NAALADL2: variants seen among roughly 807,000 people sequenced by gnomAD.
NAALADL2 encodes the protein N-acetylated alpha-linked acidic dipeptidase like 2.
A neutral mutation model predicts 87.2 loss-of-function variants in NAALADL2; 76 were observed. The ratio of observed to expected loss-of-function variants is 0.87; its 90% CI spans 0.72 to 1.05. The LOEUF is 1.05. Ranked by LOEUF, NAALADL2 falls within the 50% of genes least tolerant of loss-of-function variation. The probability of loss-of-function intolerance (pLI) is 0.00; values close to 1 mark genes in which losing one functional copy is unlikely to be tolerated. For missense variants in NAALADL2, 1,089 were observed against 945.8 expected (o/e 1.15, Z -1.99); for synonymous variants, 354 against 331.0 (o/e 1.07, Z -0.75).
intron 3 of NAALADL2, among the ~76,000 whole-genome samples, chr3:174,801,125 CAT>C (rs1718780351): frequency 6.6e-6 from 1 of 152,170 alleles, no homozygotes; most frequent in Non-Finnish European, 1.5e-5. Flanking sequence ...GTAGGAAAGA[CAT>C]GATTGGTTTT....
chr3:174,782,337 G>A (rs1417988564), intron 3 of NAALADL2, among the ~76,000 whole-genome samples: 2 of 152,086 alleles, frequency 1.3e-5, no homozygotes, highest in African/African-American at 2.4e-5. Context: ...TAATTCTGTT[G>A]ATTTTCAGTG....
chr3:175,243,532 T>C (rs1401928934), intron 3 of NAALADL2, among the ~76,000 whole-genome samples: 1 of 9,262 alleles, frequency 1.1e-4, no homozygotes, highest in Admixed American at 1.6e-3. Context: ...ACATCAGGAC[T>C]TTTTTTTTTT....
intron 2 of NAALADL2, chr3:174,631,953 C>T (rs1261745246): frequency 2.0e-5 from 3 of 152,190 alleles, no homozygotes; most frequent in Non-Finnish European, 4.4e-5. Context: ...CATGCTCATT[C>T]AAAGTGAATG....
At chr3:174,524,021 T>C (rs978519130) in intron 1 of NAALADL2, among the ~76,000 whole-genome samples, 5 of 152,172 alleles carry the variant, frequency 3.3e-5, no homozygotes, top group African/African-American at 1.2e-4. Flanking sequence ...TTTTTTTTGC[T>C]TGTATCTATG....
At chr3:175,711,383 T>A (rs1190804738) in intron 11 of NAALADL2, among the ~76,000 whole-genome samples, 1 of 151,896 alleles carries the variant, frequency 6.6e-6, no homozygotes, top group African/African-American at 2.4e-5. Flanking sequence ...AAGAATCAAT[T>A]TTTTTAAAAT....
chr3:174,831,747 T>A (rs1407658823), intron 3 of NAALADL2, among the ~76,000 whole-genome samples: 1 of 151,400 alleles, frequency 6.6e-6, no homozygotes, highest in Non-Finnish European at 1.5e-5. Context: ...CTGTACTCTT[T>A]TTGGTTGGTA....
intron 3 of NAALADL2, among the ~76,000 whole-genome samples, chr3:174,826,330 G>A (rs2109350166): frequency 6.6e-6 from 1 of 152,256 alleles, no homozygotes; most frequent in Admixed American, 6.5e-5. Context: ...TGCTTGTTTT[G>A]AATTTTGGCT....
intron 3 of NAALADL2, among the ~76,000 whole-genome samples, chr3:175,254,181 G>A (rs1481259738): frequency 6.6e-6 from 1 of 152,134 alleles, no homozygotes; most frequent in African/African-American, 2.4e-5. Context: ...GTCAGTTGAT[G>A]TGGCAAACTT....
intron 1 of NAALADL2, among the ~76,000 whole-genome samples, chr3:174,508,113 G>GTTTTTTTTT (rs1560020933): frequency 4.2e-4 from 39 of 92,954 alleles, no homozygotes; most frequent in African/African-American, 1.5e-3. Context: ...GATATCTAGT[G>GTTTTTTTTT]GTTTTTTTTT....
rs1391969921 is a variant in NAALADL2 at position 174,866,765 on chromosome 3, CT to C, written c.43+7316del. ...AGATGCAATGAAGTAATGATGTTGC[CT>C]AGAAGTTATTTTATATGTAGGTAAA... On this transcript the variant is annotated intron_variant, in intron 1 of 13. Coordinates refer to ENST00000454872, the MANE Select transcript of NAALADL2 (RefSeq NM_207015.3). 2.0e-5 allele frequency among the ~76,000 whole-genome samples: 3 copies of C among 151,348 alleles called. No individual in the cohort carries two copies. The East Asian group carries it at 5.8e-4, about 29-fold the overall frequency.
At chr3:175,229,777 C>A (rs915942085) in intron 2 of NAALADL2, among the ~76,000 whole-genome samples, 3 of 151,962 alleles carry the variant, frequency 2.0e-5, no homozygotes, top group African/African-American at 7.2e-5. Flanking sequence ...GATGGCATTT[C>A]TTCCCAAATT....
chr3:174,900,734 T>C (rs1456118406), intron 1 of NAALADL2, among the ~76,000 whole-genome samples: 1 of 151,858 alleles, frequency 6.6e-6, no homozygotes, highest in Non-Finnish European at 1.5e-5. Context: ...AGAGAGTACA[T>C]CTGTGATAGA....
intron 11 of NAALADL2, among the ~76,000 whole-genome samples, chr3:175,707,862 T>G (rs916251713): frequency 3.3e-5 from 5 of 151,954 alleles, no homozygotes; most frequent in African/African-American, 4.8e-5. Flanking sequence ...ATTAATATGA[T>G]AGAAGCGCTG....
intron 1 of NAALADL2, among the ~76,000 whole-genome samples, chr3:174,887,966 T>TA (rs1730389183): frequency 6.6e-6 from 1 of 152,088 alleles, no homozygotes; most frequent in Admixed American, 6.5e-5. Flanking sequence ...ATCAAAGTTA[T>TA]AAAAAATAAT....
intron 2 of NAALADL2, among the ~76,000 whole-genome samples, chr3:174,561,159 T>A (rs1713559656): frequency 6.6e-6 from 1 of 150,980 alleles, no homozygotes; most frequent in Non-Finnish European, 1.5e-5. Flanking sequence ...AGAGGAAATA[T>A]GGAAGTAAGA....
intron 1 of NAALADL2, among the ~76,000 whole-genome samples, chr3:175,079,956 T>G (rs748499842): frequency 7.2e-5 from 11 of 151,862 alleles, no homozygotes; most frequent in Non-Finnish European, 1.3e-4. Flanking sequence ...TTTCACATAT[T>G]CTAGAAATAT....
chr3:175,592,224 T>G (rs1318405715), intron 10 of NAALADL2, among the ~76,000 whole-genome samples: 1 of 152,066 alleles, frequency 6.6e-6, no homozygotes, highest in Non-Finnish European at 1.5e-5. Flanking sequence ...TAGCCATAAT[T>G]CCTTTCATGC....
At chr3:175,059,041 G>T (rs1226917767) in intron 1 of NAALADL2, among the ~76,000 whole-genome samples, 2 of 152,164 alleles carry the variant, frequency 1.3e-5, no homozygotes, top group Non-Finnish European at 2.9e-5. Flanking sequence ...TTCTGGTGGT[G>T]TATTGAAAAT....
chr3:175,148,702 C>T (rs1224813386), intron 2 of NAALADL2, among the ~76,000 whole-genome samples: 1 of 152,128 alleles, frequency 6.6e-6, no homozygotes, highest in Non-Finnish European at 1.5e-5. Flanking sequence ...AATCGGGAGT[C>T]CTTTCCCCAT....
Sources: allele counts gnomAD v4.1 joint callset (sites outside exome capture counted in the v4.1 genomes callset), GRCh38; gene constraint gnomAD v4.1.1; transcripts MANE v1.5; gene names NCBI Gene and HGNC (gene_info 2026-07-23, HGNC 2026-07-21).